Variants in MMP16 observed in about 807,000 individuals in gnomAD.
MMP16 encodes matrix metalloproteinase-16.
Under a neutral mutation model 67.8 loss-of-function variants are expected in MMP16, and 12 were observed. The observed-to-expected ratio is 0.18, with a 90% CI of 0.11 to 0.29. The LOEUF is 0.29. MMP16 is among the 10% of genes least tolerant of loss of function. MMP16 has a pLI of 1.00. For missense variants in MMP16, 475 were observed against 765.7 expected, an observed-to-expected ratio of 0.62 and a Z score of 4.48; for synonymous variants, 249 against 255.9, an observed-to-expected ratio of 0.97 and a Z score of 0.26.
chr8:88,062,080 C>T (rs187786987), intron 7 of MMP16, among the ~76,000 whole-genome samples: 125 of 152,152 alleles, frequency 8.2e-4, no homozygotes, highest in Non-Finnish European at 1.3e-3. Flanking sequence ...ATGGAAATAA[C>T]TCAATAATAA....
intron 6 of MMP16, among the ~76,000 whole-genome samples, chr8:88,093,487 C>A (rs1354935019): frequency 6.6e-6 from 1 of 151,732 alleles, no homozygotes; most frequent in Non-Finnish European, 1.5e-5. Context: ...AAGACTAGAT[C>A]TTGATACACA....
At chr8:88,138,207 C>T (rs918713861) in intron 4 of MMP16, among the ~76,000 whole-genome samples, 2 of 151,854 alleles carry the variant, frequency 1.3e-5, no homozygotes, top group Middle Eastern at 3.2e-3. Flanking sequence ...TATATTCATC[C>T]TATCCTCTGA....
rs918725367 is a variant in MMP16, at chr8:88,069,547, G to A, written c.1222+5058C>T. ...ACTGCAAAGGAAAGGTTTGTTTACTGTCCAGTATGATGAAGAAAGTATCTC... is the reference window on the plus strand; with the variant it reads ...ACTGCAAAGGAAAGGTTTGTTTACTATCCAGTATGATGAAGAAAGTATCTC... On this transcript the variant is annotated intron_variant, in intron 7 of 9. Transcript: ENST00000286614. The A allele has an allele frequency of 6.1e-6, 3 of 494,544 alleles. No individual in the cohort carries two copies. The African/African-American group carries it at 6.1e-5, about 10-fold the overall frequency. The allele number at this position is 494,544 out of a possible 1,614,324, so 30.6% of individuals were successfully genotyped here.
At chr8:88,322,594 C>G (rs1811477206) in intron 1 of MMP16, among the ~76,000 whole-genome samples, 2 of 150,568 alleles carry the variant, frequency 1.3e-5, no homozygotes. Flanking sequence ...TTTGGGAGGT[C>G]AAGGAGGGAG....
chr8:88,258,348 C>A (rs1193806470), intron 1 of MMP16, among the ~76,000 whole-genome samples: 1 of 152,142 alleles, frequency 6.6e-6, no homozygotes, highest in African/African-American at 2.4e-5. Flanking sequence ...CTAAAATAGG[C>A]TTTCAATTTC....
At chr8:88,207,988 A>T (rs934331689) in intron 1 of MMP16, among the ~76,000 whole-genome samples, 3 of 152,200 alleles carry the variant, frequency 2.0e-5, no homozygotes, top group Non-Finnish European at 4.4e-5. Context: ...TTTTAGAAAA[A>T]GGTTTGGCTT....
At chr8:88,206,763 T>C (rs2129806848) in intron 1 of MMP16, among the ~76,000 whole-genome samples, 1 of 152,346 alleles carries the variant, frequency 6.6e-6, no homozygotes, top group East Asian at 1.9e-4. Flanking sequence ...GGAACTTAAC[T>C]CTTACTTGTA....
chr8:88,298,259 A>C (rs1332191714), intron 1 of MMP16, among the ~76,000 whole-genome samples: 1 of 152,188 alleles, frequency 6.6e-6, no homozygotes, highest in Admixed American at 6.5e-5. Context: ...TCCCTTCCCC[A>C]AACACCCCAT....
intron 9 of MMP16, among the ~76,000 whole-genome samples, chr8:88,045,405 C>G (rs1483459984): frequency 6.6e-6 from 1 of 152,080 alleles, no homozygotes; most frequent in African/African-American, 2.4e-5. Context: ...GAGACTGGCT[C>G]TGTCACCCAG....
intron 1 of MMP16, among the ~76,000 whole-genome samples, chr8:88,253,943 A>C (rs1246897369): frequency 6.6e-6 from 1 of 152,082 alleles, no homozygotes; most frequent in Non-Finnish European, 1.5e-5. Flanking sequence ...CATTTGACCC[A>C]GCAATCCCAT....
intron 4 of MMP16, among the ~76,000 whole-genome samples, chr8:88,125,123 G>A (rs79172237): frequency 2.6e-5 from 4 of 150,990 alleles, no homozygotes; most frequent in African/African-American, 9.7e-5. Context: ...GTCCAATTTG[G>A]CTGCTCAAAG....
At chr8:88,243,711 C>A (rs1039223463) in intron 1 of MMP16, among the ~76,000 whole-genome samples, 1 of 152,142 alleles carries the variant, frequency 6.6e-6, no homozygotes, top group Non-Finnish European at 1.5e-5. Flanking sequence ...CCAAATCCTT[C>A]AGTGGAGCTC....
intron 1 of MMP16, among the ~76,000 whole-genome samples, chr8:88,299,269 G>C (rs1013397254): frequency 6.6e-6 from 1 of 151,988 alleles, no homozygotes; most frequent in East Asian, 1.9e-4. Flanking sequence ...CCCTGGCTTC[G>C]TGCTTTTGTT....
chr8:88,036,871 AAG>A lies in MMP16; in HGVS notation c.*4588_*4589del, dbSNP rs1324778880. ...TAAAAAAGACCTTACCACCATCCAGAAGATTGTTTCAGTATATACTACAATCT... is the reference window on the plus strand; with the variant it reads ...TAAAAAAGACCTTACCACCATCCAGAATTGTTTCAGTATATACTACAATCT... On this transcript the variant is annotated 3_prime_UTR_variant, in exon 10 of 10. Coordinates refer to ENST00000286614, the MANE Select transcript of MMP16 (RefSeq NM_005941.5). 6.6e-6 allele frequency: 1 copy of A among 151,716 alleles called. No homozygotes were observed. Among genetic ancestry groups the A allele is most frequent in the Non-Finnish European group, 1.5e-5 (1 of 67,760 alleles). 9.4% of individuals were successfully genotyped at this position (151,716 alleles called of 1,614,324 possible).
intron 3 of MMP16, among the ~76,000 whole-genome samples, chr8:88,179,766 G>A (rs28731145): frequency 0.71 from 107,478 of 151,956 alleles, 40,930 homozygotes; most frequent in Non-Finnish European, 0.88. Flanking sequence ...TAGATTACTT[G>A]CACATGTATA....
chr8:88,052,486 C>G (rs571411590), intron 8 of MMP16, among the ~76,000 whole-genome samples: 1 of 152,182 alleles, frequency 6.6e-6, no homozygotes, highest in African/African-American at 2.4e-5. Flanking sequence ...TTACCCTCCA[C>G]GCCTCCACTC....
intron 4 of MMP16, among the ~76,000 whole-genome samples, chr8:88,164,757 A>G (rs1429167686): frequency 1.3e-5 from 2 of 151,934 alleles, no homozygotes; most frequent in African/African-American, 4.8e-5. Context: ...TCATTCGTCT[A>G]TGCGTAAAGA....
intron 7 of MMP16, among the ~76,000 whole-genome samples, chr8:88,071,672 G>A (rs1302647919): frequency 3.9e-5 from 6 of 152,148 alleles, no homozygotes; most frequent in Non-Finnish European, 7.4e-5. Flanking sequence ...TATAAGTACA[G>A]GTTGGGGCTT....
intron 1 of MMP16, among the ~76,000 whole-genome samples, chr8:88,297,023 G>A (rs183948983): frequency 2.6e-5 from 4 of 152,094 alleles, no homozygotes; most frequent in African/African-American, 9.6e-5. Context: ...TAAATTTCCA[G>A]TATATTTATT....
Sources: allele counts gnomAD v4.1 joint callset (sites outside exome capture counted in the v4.1 genomes callset), GRCh38; gene constraint gnomAD v4.1.1; transcripts MANE v1.5; gene names NCBI Gene and HGNC (gene_info 2026-07-23, HGNC 2026-07-21).